L3MBTL4: variants seen among roughly 807,000 people sequenced by gnomAD.
The protein encoded by L3MBTL4 is lethal(3)malignant brain tumor-like protein 4.
Under a neutral mutation model 84.5 loss-of-function variants are expected in L3MBTL4, and 70 were observed. The ratio of observed to expected loss-of-function variants is 0.83; its 90% CI spans 0.68 to 1.01. L3MBTL4 has a LOEUF of 1.01. Among genes scored for constraint, L3MBTL4 ranks in the 50% least tolerant of loss-of-function variants. L3MBTL4 has a pLI of 0.00. For missense variants in L3MBTL4, 715 were observed against 754.8 expected (o/e 0.95, Z 0.62); for synonymous variants, 274 against 259.8 (o/e 1.05, Z -0.52).
intron 16 of L3MBTL4, among the ~76,000 whole-genome samples, chr18:6,064,802 C>G (rs1405494063): frequency 6.6e-6 from 1 of 151,888 alleles, no homozygotes; most frequent in Non-Finnish European, 1.5e-5. Flanking sequence ...TGAATCGTGA[C>G]AATCTGAGTT....
chr18:6,267,729 C>T (rs936110203), intron 4 of L3MBTL4, among the ~76,000 whole-genome samples: 1 of 152,182 alleles, frequency 6.6e-6, no homozygotes, highest in South Asian at 2.1e-4. Context: ...CTTTTATGAT[C>T]ACATATGTAC....
At chr18:6,273,585 A>G (rs1055691864) in intron 4 of L3MBTL4, among the ~76,000 whole-genome samples, 2 of 144,122 alleles carry the variant, frequency 1.4e-5, no homozygotes, top group African/African-American at 5.4e-5. Flanking sequence ...AGCTCATGAC[A>G]GTCGGAAGTG....
intron 10 of L3MBTL4, among the ~76,000 whole-genome samples, chr18:6,229,835 A>G (rs1045144304): frequency 4.6e-5 from 7 of 152,080 alleles, no homozygotes; most frequent in East Asian, 1.9e-4. Context: ...TCTCTATTCC[A>G]TCTCTATCCC....
At chr18:6,146,470 G>A (rs2042658280) in intron 13 of L3MBTL4, among the ~76,000 whole-genome samples, 1 of 152,214 alleles carries the variant, frequency 6.6e-6, no homozygotes, top group African/African-American at 2.4e-5. Flanking sequence ...AAGCTGCGGA[G>A]AAGGCGCTCA....
chr18:6,244,662 C>A, intron 5 of L3MBTL4, 74 bp from the exon 6 acceptor site: 1 of 1,017,868 alleles, frequency 9.8e-7, no homozygotes, highest in South Asian at 1.4e-5. Context: ...TTGGTGTCAC[C>A]TCTAGGTGAA....
intron 16 of L3MBTL4, among the ~76,000 whole-genome samples, chr18:6,047,696 C>T (rs2056681519): frequency 6.6e-6 from 1 of 152,096 alleles, no homozygotes; most frequent in South Asian, 2.1e-4. Flanking sequence ...TGATAAAATC[C>T]AACATCCTTT....
At chr18:6,075,039 G>T (rs1395552748) in intron 16 of L3MBTL4, among the ~76,000 whole-genome samples, 1 of 151,908 alleles carries the variant, frequency 6.6e-6, no homozygotes, top group East Asian at 1.9e-4. Context: ...GCATCAATTA[G>T]GTATTAAAGA....
chr18:6,109,551 C>G (rs1598777166), intron 14 of L3MBTL4, among the ~76,000 whole-genome samples: 1 of 152,242 alleles, frequency 6.6e-6, no homozygotes, highest in African/African-American at 2.4e-5. Context: ...CTGAATGATT[C>G]ATTAATACCA....
intron 1 of L3MBTL4, among the ~76,000 whole-genome samples, chr18:6,313,317 A>G (rs2050927398): frequency 6.6e-6 from 1 of 152,222 alleles, no homozygotes; most frequent in Non-Finnish European, 1.5e-5. Context: ...TTCTCGATCC[A>G]TACATTATCC....
At chr18:5,991,481 T>C (rs594714) in intron 16 of L3MBTL4, among the ~76,000 whole-genome samples, 98,758 of 152,036 alleles carry the variant, frequency 0.65, 33,381 homozygotes, top group East Asian at 0.91. Flanking sequence ...TCAAGTCACA[T>C]GGCAGGTTGG....
chr18:6,349,760 T>G (rs1421882991), intron 1 of L3MBTL4, among the ~76,000 whole-genome samples: 1 of 152,054 alleles, frequency 6.6e-6, no homozygotes, highest in Non-Finnish European at 1.5e-5. Flanking sequence ...TTGACTGATA[T>G]AAGCTCAAGA....
intron 16 of L3MBTL4, among the ~76,000 whole-genome samples, chr18:5,985,843 G>T (rs2053440733): frequency 6.6e-6 from 1 of 152,130 alleles, no homozygotes; most frequent in Non-Finnish European, 1.5e-5. Flanking sequence ...TAGAAGTGAG[G>T]GATGGGGATG....
At chr18:5,979,247 C>T (rs2053100142) in intron 16 of L3MBTL4, among the ~76,000 whole-genome samples, 1 of 152,136 alleles carries the variant, frequency 6.6e-6, no homozygotes, top group African/African-American at 2.4e-5. Context: ...GCAGAGGGTC[C>T]ACAGGGGTCA....
At chr18:6,161,972 C>CTG (rs200214261) in intron 13 of L3MBTL4, among the ~76,000 whole-genome samples, 71 of 148,810 alleles carry the variant, frequency 4.8e-4, no homozygotes, top group African/African-American at 6.6e-4. Flanking sequence ...GAGAATATAC[C>CTG]TGTGTGTGTG....
intron 16 of L3MBTL4, among the ~76,000 whole-genome samples, chr18:6,050,134 T>A (rs75125111): frequency 6.6e-6 from 1 of 152,136 alleles, no homozygotes; most frequent in Admixed American, 6.5e-5. Context: ...GAGGCCAAAC[T>A]TTTTTTAAAA....
At chr18:6,092,328 T>A (rs903471540) in intron 15 of L3MBTL4, among the ~76,000 whole-genome samples, 1 of 152,344 alleles carries the variant, frequency 6.6e-6, no homozygotes. Flanking sequence ...ATTCTCCGAA[T>A]AAACTGGCGC....
At chr18:5,986,907 T>C (rs1423468195) in intron 16 of L3MBTL4, among the ~76,000 whole-genome samples, 1 of 152,248 alleles carries the variant, frequency 6.6e-6, no homozygotes, top group Non-Finnish European at 1.5e-5. Context: ...ATCCCTTGTA[T>C]GAGATTGTGC....
intron 16 of L3MBTL4, among the ~76,000 whole-genome samples, chr18:6,038,257 T>A (rs1052082179): frequency 7.0e-6 from 1 of 142,886 alleles, no homozygotes; most frequent in Admixed American, 7.0e-5. Flanking sequence ...GGATCTTTTT[T>A]TTTTTTTTTT....
chr18:6,091,883 C>A (rs1276354670), intron 15 of L3MBTL4, among the ~76,000 whole-genome samples: 2 of 152,034 alleles, frequency 1.3e-5, no homozygotes, highest in African/African-American at 2.4e-5. Context: ...GTACTGGTCT[C>A]TATGATTCTG....
Sources: gnomAD v4.1 joint callset for allele counts (sites outside exome capture counted in the v4.1 genomes callset) on GRCh38, gnomAD v4.1.1 for gene constraint, MANE v1.5 for transcripts, NCBI Gene and HGNC (gene_info 2026-07-23, HGNC 2026-07-21) for gene names.